Variants in ATP8A1 observed in about 807,000 individuals in gnomAD.
The protein encoded by ATP8A1 is phospholipid-transporting ATPase IA.
In ATP8A1, 90 loss-of-function variants were observed where a neutral mutation model predicts 177.7. That is an observed-to-expected ratio of 0.51 (90% confidence interval 0.43 to 0.60). ATP8A1 has a LOEUF of 0.60. ATP8A1 is among the 20% of genes least tolerant of loss of function. The pLI is 0.00. For missense variants in ATP8A1, 1,072 were observed against 1,392.8 expected (o/e 0.77, Z 3.67); for synonymous variants, 493 against 485.9 (o/e 1.01, Z -0.19).
At chr4:42,479,205 G>C (rs2153187643) in intron 25 of ATP8A1, among the ~76,000 whole-genome samples, 1 of 152,296 alleles carries the variant, frequency 6.6e-6, no homozygotes, top group East Asian at 1.9e-4. Context: ...AAATCATCTA[G>C]AGCTGCTTTC....
chr4:42,646,207 G>A (rs931971221), intron 1 of ATP8A1, among the ~76,000 whole-genome samples: 59 of 152,206 alleles, frequency 3.9e-4, no homozygotes, highest in African/African-American at 1.4e-3. Context: ...CAAATGCTGA[G>A]CACTGGAGTC....
intron 25 of ATP8A1, among the ~76,000 whole-genome samples, chr4:42,468,430 TACACAC>T (rs139371340): frequency 1.7e-4 from 25 of 150,436 alleles, no homozygotes; most frequent in East Asian, 3.9e-4. Context: ...ATATATTTTA[TACACAC>T]ACACACACAC....
At chr4:42,529,843 A>G (rs1201053409) in intron 20 of ATP8A1, among the ~76,000 whole-genome samples, 1 of 152,192 alleles carries the variant, frequency 6.6e-6, no homozygotes, top group Non-Finnish European at 1.5e-5. Context: ...CTTTGCATGG[A>G]AAGAGAAATG....
chr4:42,584,297 G>C (rs1311832639), intron 9 of ATP8A1, among the ~76,000 whole-genome samples: 1 of 152,146 alleles, frequency 6.6e-6, no homozygotes, highest in Non-Finnish European at 1.5e-5. Flanking sequence ...GAGAAGGGAA[G>C]CAGGAAAGAC....
At chr4:42,585,368 C>G (rs555484951) in intron 9 of ATP8A1, among the ~76,000 whole-genome samples, 4 of 151,502 alleles carry the variant, frequency 2.6e-5, no homozygotes, top group African/African-American at 9.7e-5. Flanking sequence ...AGTAAGCTCA[C>G]AAGGTGCTAT....
intron 22 of ATP8A1, among the ~76,000 whole-genome samples, chr4:42,507,729 CAAAAAAAAAA>C (rs34269384): frequency 3.4e-4 from 3 of 8,908 alleles, no homozygotes; most frequent in Admixed American, 6.8e-3. Flanking sequence ...GACTCCATCT[CAAAAAAAAAA>C]AAAAAAAAAA....
intron 1 of ATP8A1, among the ~76,000 whole-genome samples, chr4:42,653,645 C>T (rs943612884): frequency 6.6e-6 from 1 of 152,248 alleles, no homozygotes; most frequent in Non-Finnish European, 1.5e-5. Flanking sequence ...GGATGTCCCT[C>T]CCTTATAACG....
intron 1 of ATP8A1, among the ~76,000 whole-genome samples, chr4:42,644,900 A>G (rs76163299): frequency 6.6e-6 from 1 of 152,182 alleles, no homozygotes; most frequent in Non-Finnish European, 1.5e-5. Flanking sequence ...AAAAAAAAAA[A>G]GTTGCCACAG....
At chr4:42,493,472 G>A (rs928050879) in intron 24 of ATP8A1, among the ~76,000 whole-genome samples, 12 of 152,290 alleles carry the variant, frequency 7.9e-5, no homozygotes, top group South Asian at 2.1e-4. Flanking sequence ...GGGCAGCTAC[G>A]TGAGCTTAGA....
At chr4:42,577,093 A>G (rs1732540293) in intron 12 of ATP8A1, among the ~76,000 whole-genome samples, 1 of 152,214 alleles carries the variant, frequency 6.6e-6, no homozygotes, top group Admixed American at 6.5e-5. Flanking sequence ...TGTATATTAG[A>G]AAGGTGGTTG....
Position 42,485,528 on chromosome 4 carries a change from T to G in ATP8A1, c.2292A>C (p.Leu764Phe). 6.2e-7 allele frequency: 1 copy of G among 1,612,672 alleles called. No homozygotes were observed. Among genetic ancestry groups the G allele is most frequent in the Non-Finnish European group, 8.5e-7 (1 of 1,179,520 alleles). Reference sequence around the variant, plus strand: ...AAATGACAGCTTTGCATGACAAAGCTAAGTCCAGGAAATACTGTCGTACTC... The same window carrying G: ...AAATGACAGCTTTGCATGACAAAGCGAAGTCCAGGAAATACTGTCGTACTC... ...TFGVRQYFLD[L>F]ALSCKAVICC... is the part of the protein sequence containing the mutation. The change falls in exon 25 of 37, where the codon TTA becomes TTC. Residue 764 changes from leucine (L) to phenylalanine (F), a missense_variant. This residue lies in a region of ATP8A1 where 388 missense variants were observed against 471.7 expected (regional missense o/e 0.82). Coordinates refer to ENST00000381668, the MANE Select transcript of ATP8A1 (RefSeq NM_006095.2).
chr4:42,551,732 A>C (rs1340114168), intron 17 of ATP8A1, among the ~76,000 whole-genome samples: 1 of 152,208 alleles, frequency 6.6e-6, no homozygotes, highest in African/African-American at 2.4e-5. Flanking sequence ...TTTAATGTCT[A>C]TGAATTTCAT....
Position 42,624,617 on chromosome 4 carries a change from T to C in ATP8A1, c.282A>G (p.Ser94=). 6.9e-7 allele frequency: 1 copy of C among 1,448,190 alleles called. No individual in the cohort carries two copies. Among genetic ancestry groups the C allele is most frequent in the Non-Finnish European group, 9.2e-7 (1 of 1,092,530 alleles). The allele number at this position is 1,448,190 out of a possible 1,614,324, so 89.7% of individuals were successfully genotyped here. A position where few individuals can be genotyped will look rare whatever the true frequency, so the allele number is the denominator to read the frequency against. ...CCAGTGTTGTATAACGACCTGTTGGTGACACATCAGGTATTTGCTGTTTGG... is the reference window on the plus strand; with the variant it reads ...CCAGTGTTGTATAACGACCTGTTGGCGACACATCAGGTATTTGCTGTTTGG... ...IALLQQIPDV[S]PTGRYTTLVP... Residue 94 remains serine, a synonymous_variant, in exon 4 of 37, where the codon TCA becomes TCG. Transcript: ENST00000381668.
chr4:42,448,401 C>CTTTTTTTTT lies in ATP8A1; in HGVS notation c.2897-1766_2897-1758dup, dbSNP rs1226963744. Among the ~76,000 whole-genome samples, 3 of 99,558 alleles carry CTTTTTTTTT rather than the reference C, an allele frequency of 3.0e-5. 1 individual carries two copies. Among genetic ancestry groups the CTTTTTTTTT allele is most frequent in the Non-Finnish European group, 5.7e-5 (3 of 52,612 alleles). 65.3% of individuals were successfully genotyped at this position (99,558 alleles called of 152,430 possible). On this transcript the variant is annotated intron_variant, in intron 30 of 36. Transcript: ENST00000381668. ...CTCCCTCCCTCCTTCTCTTTCTTTT[C>CTTTTTTTTT]TTTTTTTTTTTTTTGAGATGGAGTC...
At chr4:42,450,130 G>A (rs1485017076) in intron 30 of ATP8A1, among the ~76,000 whole-genome samples, 8 of 152,068 alleles carry the variant, frequency 5.3e-5, no homozygotes, top group East Asian at 1.9e-4. Flanking sequence ...ATCAACTGAT[G>A]AACAGATTAA....
chr4:42,540,588 T>C (rs984260322), intron 20 of ATP8A1, among the ~76,000 whole-genome samples: 13 of 151,484 alleles, frequency 8.6e-5, no homozygotes, highest in Non-Finnish European at 1.8e-4. Context: ...CACACAATGG[T>C]ATACTATTCA....
intron 22 of ATP8A1, among the ~76,000 whole-genome samples, chr4:42,516,034 G>A (rs1413877937): frequency 1.3e-5 from 2 of 152,096 alleles, no homozygotes; most frequent in Admixed American, 6.5e-5. Context: ...TAGGGGGCAG[G>A]CTTTCATTAA....
At chr4:42,546,820 C>T (rs927827550) in intron 19 of ATP8A1, among the ~76,000 whole-genome samples, 4 of 152,192 alleles carry the variant, frequency 2.6e-5, no homozygotes, top group Non-Finnish European at 4.4e-5. Context: ...ACCACTCTCT[C>T]TTTGAATCCT....
rs1712527204 is a variant in ATP8A1, at chr4:42,410,919, T to C, written c.*1997A>G. ...AATTAAACACTACAAAGTGTTTCTCTGGAGGGGTGCATTTCACTCTTGCTT... is the reference window on the plus strand; with the variant it reads ...AATTAAACACTACAAAGTGTTTCTCCGGAGGGGTGCATTTCACTCTTGCTT... On this transcript the variant is annotated 3_prime_UTR_variant, in exon 37 of 37. Coordinates refer to ENST00000381668, the MANE Select transcript of ATP8A1 (RefSeq NM_006095.2). 6.6e-6 allele frequency: 1 copy of C among 152,220 alleles called. No homozygotes were observed. Among genetic ancestry groups the C allele is most frequent in the African/African-American group, 2.4e-5 (1 of 41,462 alleles). 9.4% of individuals were successfully genotyped at this position (152,220 alleles called of 1,614,324 possible).
Sources: gnomAD v4.1 joint callset for allele counts (sites outside exome capture counted in the v4.1 genomes callset) on GRCh38, gnomAD v4.1.1 for gene constraint, gnomAD v4.1.1 regional missense constraint, MANE v1.5 for transcripts, NCBI Gene and HGNC (gene_info 2026-07-23, HGNC 2026-07-21) for gene names.